PRAMEF2: variants seen among roughly 807,000 people sequenced by gnomAD.
The protein encoded by PRAMEF2 is PRAME family member 2.
A neutral mutation model predicts 38.0 loss-of-function variants in PRAMEF2; 35 were observed. The ratio of observed to expected loss-of-function variants is 0.92; its 90% CI spans 0.70 to 1.22. The LOEUF (loss-of-function observed/expected upper bound fraction) is 1.22. Among genes scored for constraint, PRAMEF2 ranks in the 50% most tolerant of loss-of-function variants. The pLI, the probability that PRAMEF2 is intolerant of heterozygous loss-of-function variation, is 0.00. For missense variants in PRAMEF2, 562 were observed against 553.9 expected, an observed-to-expected ratio of 1.01 and a Z score of -0.15; for synonymous variants, 240 against 232.4, an observed-to-expected ratio of 1.03 and a Z score of -0.30.
At position 12,857,645 on chromosome 1, in the gene PRAMEF2, C is replaced by T. The variant is rs1297050499; in HGVS notation, c.-26+498C>T. On this transcript the variant is annotated intron_variant, in intron 1 of 3. Coordinates refer to ENST00000240189, the MANE Select transcript of PRAMEF2 (RefSeq NM_023014.1). The stretch of plus-strand genomic sequence containing the variant: ...ATGTGGAAGTGATGTCTATAGGAAC[C>T]TTCATCTTAGAGTTACAGTGCTCTA... Among the ~76,000 whole-genome samples the T allele has an allele frequency of 3.5e-5, 5 of 141,630 alleles. 1 individual carries two copies. Among genetic ancestry groups the T allele is most frequent in the Admixed American group, 7.2e-5 (1 of 13,918 alleles). The allele number at this position is 141,630 out of a possible 152,430, so 92.9% of individuals were successfully genotyped here.
chr1:12,861,311 C>G lies in PRAMEF2; in HGVS notation c.957C>G (p.Leu319=), dbSNP rs765203698. The change falls in exon 4 of 4, where the codon CTC becomes CTG. Residue 319 remains leucine (L), a synonymous_variant. Transcript: ENST00000240189. Reference sequence around the variant, plus strand: ...AGTGTCTCTCCCAGTTCCCAAGCCTCGGTTACCTAAAGCATCTGAATCTCA... The same window carrying G: ...AGTGTCTCTCCCAGTTCCCAAGCCTGGGTTACCTAAAGCATCTGAATCTCA... ...DLKCLSQFPS[L]GYLKHLNLSY... The G allele has an allele frequency of 6.2e-7, 1 of 1,607,124 alleles. No individual in the cohort carries two copies. The highest frequency in any genetic ancestry group is 8.5e-7 in the Non-Finnish European group (1 of 1,176,726).
rs780552830 is a variant in PRAMEF2, at chr1:12,861,489, C to G, written c.1135C>G (p.Leu379Val). ...ILPGLSCCSQ[L>V]TTFYFGSNCM... ...GCCTGGCCTGAGCTGCTGCTCCCAG[C>G]TCACCACCTTCTACTTTGGCAGCAA... Residue 379 changes from leucine (L) to valine (V), a missense_variant, in exon 4 of 4, where the codon CTC becomes GTC. Coordinates refer to ENST00000240189, the MANE Select transcript of PRAMEF2 (RefSeq NM_023014.1). 1.1e-5 allele frequency: 18 copies of G among 1,606,254 alleles called. No individual in the cohort carries two copies. The East Asian group carries it at 4.0e-4, about 36-fold the overall frequency.
intron 3 of PRAMEF2, among the ~76,000 whole-genome samples, chr1:12,860,767 C>T (rs140909199): frequency 0.064 from 9,510 of 149,412 alleles, 288 homozygotes; most frequent in East Asian, 0.22. Flanking sequence ...ATGGGAAATG[C>T]GTGCTTCCGG....
rs200808694 is a variant in PRAMEF2, at chr1:12,857,095, A to C, written c.-78A>C. The C allele has an allele frequency of 0.033, 4,764 of 145,564 alleles. 38 individuals carry two copies. Among genetic ancestry groups the C allele is most frequent in the East Asian group, 0.19 (840 of 4,522 alleles). The allele number at this position is 145,564 out of a possible 1,614,324, so 9.0% of individuals were successfully genotyped here. Reference sequence around the variant, plus strand: ...ACCCACAGCACTCACACCTGAAGCTACTGGTTGGTTCCCTGAGAGGTCCCA... The same window carrying C: ...ACCCACAGCACTCACACCTGAAGCTCCTGGTTGGTTCCCTGAGAGGTCCCA... On this transcript the variant is annotated 5_prime_UTR_variant, in exon 1 of 4. Transcript: ENST00000240189.
At chr1:12,859,390 A>G (rs1640502436) in intron 2 of PRAMEF2, 94 bp downstream of exon 2, 1 of 1,591,638 alleles carries the variant, frequency 6.3e-7, no homozygotes, top group Non-Finnish European at 8.6e-7. Context: ...TGCGGCCCAG[A>G]GTCTTCTGAT....
At position 12,861,632 on chromosome 1, in the gene PRAMEF2, T is replaced by C. The variant is rs1262208960; in HGVS notation, c.1278T>C (p.Asn426=). 1.9e-6 allele frequency: 3 copies of C among 1,601,382 alleles called. No homozygotes were observed. Among genetic ancestry groups the C allele is most frequent in the African/African-American group, 1.4e-5 (1 of 73,252 alleles). Residue 426 remains asparagine (N), a synonymous_variant, in exon 4 of 4, where the codon AAT becomes AAC. Transcript: ENST00000240189. Reference sequence around the variant, plus strand: ...GTTTGAATTCCTTGGTTCGTGTCAATTGGGAGATCTTCACCCCACTTCGGG... The same window carrying C: ...GTTTGAATTCCTTGGTTCGTGTCAACTGGGAGATCTTCACCCCACTTCGGG... ...EESLNSLVRV[N]WEIFTPLRAE...
chr1:12,861,243 A>T lies in PRAMEF2; in HGVS notation c.889A>T (p.Asn297Tyr). Residue 297 changes from asparagine to tyrosine, a missense_variant, in exon 4 of 4, where the codon AAC becomes TAC. Physicochemically the swap from Asn to Tyr is moderately radical, Grantham distance 143. Coordinates refer to ENST00000240189, the MANE Select transcript of PRAMEF2 (RefSeq NM_023014.1). ...LIRCLQNPLE[N>Y]LELTCGNLLE... ...CAGGTGCCTCCAGAACCCCTTGGAG[A>T]ACTTGGAATTAACTTGTGGCAACCT... is the stretch of plus-strand genomic sequence containing the variant. 1 of 1,607,452 alleles carries T rather than the reference A, an allele frequency of 6.2e-7. No individual in the cohort carries two copies. The highest frequency in any genetic ancestry group is 1.1e-5 in the South Asian group (1 of 90,746).
intron 1 of PRAMEF2, among the ~76,000 whole-genome samples, chr1:12,858,060 A>T (rs146311699): frequency 6.7e-6 from 1 of 148,926 alleles, no homozygotes; most frequent in African/African-American, 2.5e-5. Context: ...CCACTTTTAC[A>T]GTTCCAGTGA....
rs922975283 is a variant in PRAMEF2, at chr1:12,857,971, T to G, written c.-26+824T>G. ...CCCTCAGACTCCCAAAGTGCTGGGA[T>G]TACAGGAGTAAGCCAGCATGCCCAG... On this transcript the variant is annotated intron_variant, in intron 1 of 3. Coordinates refer to ENST00000240189, the MANE Select transcript of PRAMEF2 (RefSeq NM_023014.1). Among the ~76,000 whole-genome samples the G allele has an allele frequency of 2.7e-5, 4 of 145,704 alleles. 1 individual carries two copies. Among genetic ancestry groups the G allele is most frequent in the Non-Finnish European group, 6.1e-5 (4 of 65,760 alleles).
chr1:12,861,425 G>A lies in PRAMEF2; in HGVS notation c.1071G>A (p.Glu357=), dbSNP rs1196079796. 2.4e-5 allele frequency: 39 copies of A among 1,602,320 alleles called. 1 individual carries two copies. The highest frequency in any genetic ancestry group is 3.0e-5 in the Non-Finnish European group (35 of 1,174,582). Residue 357 remains glutamate, a synonymous_variant, in exon 4 of 4, where the codon GAG becomes GAA. Coordinates refer to ENST00000240189, the MANE Select transcript of PRAMEF2 (RefSeq NM_023014.1). ...CCTCTCTCGAGACCCTCGTGTTAGA[G>A]GGCTGTCAGATCCACTACTCCCAAC... ...IAASLETLVL[E]GCQIHYSQLS...
intron 1 of PRAMEF2, among the ~76,000 whole-genome samples, chr1:12,858,660 C>T (rs1398848793): frequency 1.3e-5 from 2 of 149,934 alleles, no homozygotes; most frequent in Non-Finnish European, 3.0e-5. Context: ...TGGTAAGTGA[C>T]AAGAAATTTT....
Position 12,857,087 on chromosome 1 carries a change from C to T in PRAMEF2, c.-86C>T, listed in dbSNP as rs1557626588. On this transcript the variant is annotated 5_prime_UTR_variant, in exon 1 of 4. Coordinates refer to ENST00000240189, the MANE Select transcript of PRAMEF2 (RefSeq NM_023014.1). ...CAGAAGAGACCCACAGCACTCACAC[C>T]TGAAGCTACTGGTTGGTTCCCTGAG... is the stretch of plus-strand genomic sequence containing the variant. The T allele has an allele frequency of 1.3e-5, 2 of 148,584 alleles. No homozygotes were observed. Among genetic ancestry groups the T allele is most frequent in the African/African-American group, 4.9e-5 (2 of 40,454 alleles). 9.2% of individuals were successfully genotyped at this position (148,584 alleles called of 1,614,324 possible). A position where few individuals can be genotyped will look rare whatever the true frequency, so the allele number is the denominator to read the frequency against.
intron 1 of PRAMEF2, among the ~76,000 whole-genome samples, chr1:12,858,160 T>C (rs1319388743): frequency 6.7e-6 from 1 of 150,100 alleles, no homozygotes; most frequent in Non-Finnish European, 1.5e-5. Context: ...AAACTCTGCC[T>C]CTGGGCTTCA....
chr1:12,860,312 AG>A (rs1419940189), intron 3 of PRAMEF2, 41 bp downstream of exon 3: 1 of 1,602,306 alleles, frequency 6.2e-7, no homozygotes, highest in Admixed American at 1.7e-5. Flanking sequence ...ACCACAGCAC[AG>A]ACTTGTTCTG....
At position 12,860,157 on chromosome 1, in the gene PRAMEF2, T is replaced by G; in HGVS notation, c.752T>G (p.Leu251Arg). ...CATCATTACACGTCAGATAATGAAC[T>G]CGAGGGATGGTTAGTCACCAGATTC... ...RCHHYTSDNE[L>R]EGWLVTRFTS... is the part of the protein sequence containing the mutation. The change falls in exon 3 of 4, where the codon CTC (leucine) becomes CGC (arginine). Residue 251 changes from leucine (L) to arginine (R), a missense_variant. By Grantham distance (102) the Leu-to-Arg change is moderately radical (BLOSUM62 -2). Transcript: ENST00000240189. 1.9e-6 allele frequency: 3 copies of G among 1,606,918 alleles called. No individual in the cohort carries two copies. Among genetic ancestry groups the G allele is most frequent in the Non-Finnish European group, 2.5e-6 (3 of 1,176,610 alleles).
intron 1 of PRAMEF2, 62 bp from the exon 2 acceptor site, chr1:12,858,923 A>G: frequency 6.6e-7 from 1 of 1,520,006 alleles, no homozygotes; most frequent in Non-Finnish European, 8.9e-7. Context: ...TGGTCCTAGG[A>G]GAAGATGAGG....
intron 3 of PRAMEF2, among the ~76,000 whole-genome samples, chr1:12,860,691 G>A (rs545379749): frequency 2.6e-4 from 39 of 150,532 alleles, no homozygotes; most frequent in African/African-American, 9.0e-4. Flanking sequence ...TAGTGATCAC[G>A]AATGATCCTG....
At position 12,861,287 on chromosome 1, in the gene PRAMEF2, G is replaced by A. The variant is rs199879982; in HGVS notation, c.933G>A (p.Lys311=). The change falls in exon 4 of 4, where the codon AAG becomes AAA. Residue 311 remains lysine, a synonymous_variant. Coordinates refer to ENST00000240189, the MANE Select transcript of PRAMEF2 (RefSeq NM_023014.1). ...TCGNLLEEDL[K]CLSQFPSLGY... ...GCAACCTATTAGAAGAGGACTTGAA[G>A]TGTCTCTCCCAGTTCCCAAGCCTCG... 894 of 1,589,746 alleles carry A rather than the reference G, an allele frequency of 5.6e-4. 135 individuals are homozygous for A. Among genetic ancestry groups the A allele is most frequent in the South Asian group, 2.1e-3 (189 of 88,008 alleles).
chr1:12,859,677 C>T lies in PRAMEF2; in HGVS notation c.288-16C>T, dbSNP rs763127604. On this transcript the variant is annotated splice_polypyrimidine_tract_variant and intron_variant, in intron 2 of 3. Coordinates refer to ENST00000240189, the MANE Select transcript of PRAMEF2 (RefSeq NM_023014.1). ...GTCCCTCTAAATTCTGAGCCTCTCC[C>T]TTACTTTACCCACAGGAGGTGGAAA... is the stretch of plus-strand genomic sequence containing the variant. 1.9e-6 allele frequency: 3 copies of T among 1,605,754 alleles called. No individual in the cohort carries two copies. The African/African-American group carries it at 4.0e-5, about 22-fold the overall frequency.
Sources: allele counts gnomAD v4.1 joint callset (sites outside exome capture counted in the v4.1 genomes callset), GRCh38; gene constraint gnomAD v4.1.1; transcripts MANE v1.5; gene names NCBI Gene and HGNC (gene_info 2026-07-23, HGNC 2026-07-21).